The following GRM1 variants were observed in gnomAD, a reference collection of about 807,000 sequenced individuals.
GRM1 encodes glutamate metabotropic receptor 1.
A neutral mutation model predicts 90.9 loss-of-function variants in GRM1; 33 were observed. The ratio of observed to expected loss-of-function variants is 0.36; its 90% CI spans 0.28 to 0.49. The LOEUF is 0.49. GRM1 is among the 20% of genes least tolerant of loss of function. The pLI, the probability that GRM1 is intolerant of heterozygous loss-of-function variation, is 0.99. For synonymous variants in GRM1, 700 were observed against 613.2 expected, an observed-to-expected ratio of 1.14 and a Z score of -2.09; for missense variants, 1,190 against 1,534.3, an observed-to-expected ratio of 0.78 and a Z score of 3.75.
intron 1 of GRM1, among the ~76,000 whole-genome samples, chr6:146,032,191 A>T (rs1405013728): frequency 6.6e-6 from 1 of 151,992 alleles, no homozygotes; most frequent in Admixed American, 6.6e-5. Flanking sequence ...CTGCCTTCTG[A>T]TTGGTGTTGT....
chr6:146,417,826 T>C (rs1187218242), intron 7 of GRM1, among the ~76,000 whole-genome samples: 1 of 152,192 alleles, frequency 6.6e-6, no homozygotes, highest in East Asian at 1.9e-4. Context: ...GTTGTTTTCA[T>C]CATCCTTTTC....
At chr6:146,303,084 A>T (rs1275534286) in intron 2 of GRM1, among the ~76,000 whole-genome samples, 1 of 152,112 alleles carries the variant, frequency 6.6e-6, no homozygotes, top group Non-Finnish European at 1.5e-5. Flanking sequence ...GCAACCCCTG[A>T]TCTGTTGAAA....
At chr6:146,121,950 A>G (rs1168978925) in intron 1 of GRM1, among the ~76,000 whole-genome samples, 1 of 152,040 alleles carries the variant, frequency 6.6e-6, no homozygotes, top group African/African-American at 2.4e-5. Flanking sequence ...TATTAGGTCT[A>G]CTTGGTGCAG....
chr6:146,057,567 T>C (rs1238188286), intron 1 of GRM1, among the ~76,000 whole-genome samples: 2 of 152,122 alleles, frequency 1.3e-5, no homozygotes, highest in Non-Finnish European at 2.9e-5. Flanking sequence ...ATCAGCGAGA[T>C]AACATACCAA....
intron 7 of GRM1, among the ~76,000 whole-genome samples, chr6:146,418,065 T>A (rs1184717540): frequency 6.6e-6 from 1 of 152,152 alleles, no homozygotes; most frequent in East Asian, 1.9e-4. Flanking sequence ...ATTTACAACA[T>A]GAAAAGTACT....
At chr6:146,262,132 A>G (rs1781717190) in intron 2 of GRM1, among the ~76,000 whole-genome samples, 1 of 151,886 alleles carries the variant, frequency 6.6e-6, no homozygotes, top group Non-Finnish European at 1.5e-5. Flanking sequence ...AACCCGAGCT[A>G]GCTTCAGGTT....
intron 1 of GRM1, among the ~76,000 whole-genome samples, chr6:146,146,043 T>C (rs1256564502): frequency 1.3e-5 from 2 of 151,616 alleles, no homozygotes; most frequent in African/African-American, 4.8e-5. Flanking sequence ...ACACTTTCTT[T>C]TGGCTTATTT....
intron 3 of GRM1, 72 bp downstream of exon 3, chr6:146,304,918 T>A: frequency 9.2e-7 from 1 of 1,081,190 alleles, no homozygotes; most frequent in Non-Finnish European, 1.4e-6. Flanking sequence ...ACTTGTTGAA[T>A]GAGAATAGAA....
At chr6:146,276,666 A>AT (rs141550867) in intron 2 of GRM1, among the ~76,000 whole-genome samples, 2 of 151,650 alleles carry the variant, frequency 1.3e-5, no homozygotes, top group Non-Finnish European at 2.9e-5. Context: ...AAACACTTTG[A>AT]TTTTTTTTTC....
chr6:146,169,537 A>T (rs1383981630), intron 2 of GRM1, among the ~76,000 whole-genome samples: 2 of 152,016 alleles, frequency 1.3e-5, no homozygotes. Flanking sequence ...GACTGGAGGG[A>T]ATCCCTCCAA....
At chr6:146,129,379 A>G (rs956775349) in intron 1 of GRM1, among the ~76,000 whole-genome samples, 2 of 152,170 alleles carry the variant, frequency 1.3e-5, no homozygotes, top group African/African-American at 2.4e-5. Context: ...AACAAGACAA[A>G]GAATTCCCGT....
chr6:146,050,051 G>T (rs1004588054), intron 1 of GRM1, among the ~76,000 whole-genome samples: 3 of 151,978 alleles, frequency 2.0e-5, no homozygotes, highest in Non-Finnish European at 2.9e-5. Flanking sequence ...TGAGTTTTGA[G>T]CTAGATATTG....
intron 7 of GRM1, among the ~76,000 whole-genome samples, chr6:146,420,785 A>G (rs529887557): frequency 1.2e-4 from 19 of 152,222 alleles, no homozygotes; most frequent in Non-Finnish European, 2.5e-4. Context: ...TTTGAACTCT[A>G]TCTCAGAGAA....
intron 7 of GRM1, among the ~76,000 whole-genome samples, chr6:146,413,650 C>A (rs1777652815): frequency 6.6e-6 from 1 of 152,144 alleles, no homozygotes; most frequent in Non-Finnish European, 1.5e-5. Context: ...GTAATACACT[C>A]ATGAAACCAA....
At chr6:146,331,475 T>C (rs776961418) in intron 3 of GRM1, among the ~76,000 whole-genome samples, 5 of 152,184 alleles carry the variant, frequency 3.3e-5, no homozygotes, top group Admixed American at 1.3e-4. Context: ...TCACTATATA[T>C]ATATCACAGA....
chr6:146,419,409 G>C (rs936846000), intron 7 of GRM1, among the ~76,000 whole-genome samples: 2 of 152,184 alleles, frequency 1.3e-5, no homozygotes, highest in Non-Finnish European at 2.9e-5. Flanking sequence ...GAAGATTAAT[G>C]AGACTCAAAT....
At chr6:146,302,601 G>A (rs1783430293) in intron 2 of GRM1, among the ~76,000 whole-genome samples, 1 of 151,282 alleles carries the variant, frequency 6.6e-6, no homozygotes, top group Admixed American at 6.6e-5. Flanking sequence ...ATGTTGCCTA[G>A]GCTGGTCTCA....
chr6:146,047,365 A>G (rs981430429), intron 1 of GRM1, among the ~76,000 whole-genome samples: 6 of 151,990 alleles, frequency 3.9e-5, no homozygotes, highest in Non-Finnish European at 8.8e-5. Context: ...GTTTGTCTAG[A>G]AAAACATCAT....
chr6:146,324,975 T>G (rs1453894081), intron 3 of GRM1, among the ~76,000 whole-genome samples: 1 of 152,178 alleles, frequency 6.6e-6, no homozygotes, highest in Non-Finnish European at 1.5e-5. Flanking sequence ...TGAAGAGAAA[T>G]TTCCTCCTTC....
Sources: allele counts gnomAD v4.1 joint callset (sites outside exome capture counted in the v4.1 genomes callset), GRCh38; gene constraint gnomAD v4.1.1; transcripts MANE v1.5; gene names NCBI Gene and HGNC (gene_info 2026-07-23, HGNC 2026-07-21).